RBFOX1: variants seen among roughly 807,000 people sequenced by gnomAD.
RBFOX1 encodes RNA binding fox-1 homolog 1, also known as RNA binding protein fox-1 homolog 1.
RBFOX1 carries 8 observed loss-of-function variants against 57.7 expected under a neutral mutation model. The ratio of observed to expected loss-of-function variants is 0.14; its 90% CI spans 0.08 to 0.25. The LOEUF (loss-of-function observed/expected upper bound fraction) is 0.25, where lower values mean the gene tolerates loss of function less well. Among genes scored for constraint, RBFOX1 ranks in the 10% least tolerant of loss-of-function variants. The pLI is 1.00. For missense variants in RBFOX1, 611 were observed against 548.5 expected (o/e 1.11, Z -1.14); for synonymous variants, 326 against 222.4 (o/e 1.47, Z -4.15).
chr16:7,617,424 G>A (rs940801932), intron 10 of RBFOX1, among the ~76,000 whole-genome samples: 10 of 152,062 alleles, frequency 6.6e-5, no homozygotes, highest in South Asian at 2.1e-4. Context: ...TTTATGGCCC[G>A]TACAAAAACA....
At chr16:6,313,192 A>G (rs1463158655) in intron 1 of RBFOX1, among the ~76,000 whole-genome samples, 1 of 152,140 alleles carries the variant, frequency 6.6e-6, no homozygotes, top group Non-Finnish European at 1.5e-5. Context: ...GGGAAGTGTG[A>G]TCTCCTTACT....
At chr16:6,067,992 A>G (rs1214700837) in intron 1 of RBFOX1, among the ~76,000 whole-genome samples, 1 of 152,218 alleles carries the variant, frequency 6.6e-6, no homozygotes, top group African/African-American at 2.4e-5. Context: ...TTTACAGGGA[A>G]AACACAGTCT....
At position 7,159,589 on chromosome 16, in the gene RBFOX1, C is replaced by G. The variant is rs530198186; in HGVS notation, c.27+107491C>G. On this transcript the variant is annotated intron_variant, in intron 4 of 15. Coordinates refer to ENST00000550418, the MANE Select transcript of RBFOX1 (RefSeq NM_018723.4). ...AGTCCCCAGCCACTTTTTCAGTGAT[C>G]TCTCTACTCCGCTATAGCTTCAGTC... Among the ~76,000 whole-genome samples, 8 of 152,278 alleles carry G rather than the reference C, an allele frequency of 5.3e-5. No homozygotes were observed. The East Asian group carries it at 1.4e-3, about 26-fold the overall frequency.
At chr16:7,505,043 G>C (rs2151926339) in intron 4 of RBFOX1, among the ~76,000 whole-genome samples, 1 of 151,210 alleles carries the variant, frequency 6.6e-6, no homozygotes, top group African/African-American at 2.4e-5. Flanking sequence ...ACGGTGGATG[G>C]TTTTGACCTT....
intron 14 of RBFOX1, among the ~76,000 whole-genome samples, chr16:7,681,875 T>C (rs963170755): frequency 6.6e-5 from 10 of 152,160 alleles, no homozygotes; most frequent in African/African-American, 2.2e-4. Flanking sequence ...AAAATATTTC[T>C]AGCTAAACAG....
chr16:7,033,121 C>T (rs75625762), intron 3 of RBFOX1, among the ~76,000 whole-genome samples: 2,517 of 152,168 alleles, frequency 0.017, 67 homozygotes, highest in African/African-American at 0.054. Context: ...TGAGACAGGG[C>T]AGGGAAGAAG....
At chr16:6,495,754 G>A (rs996564693) in intron 2 of RBFOX1, among the ~76,000 whole-genome samples, 1 of 152,138 alleles carries the variant, frequency 6.6e-6, no homozygotes, top group African/African-American at 2.4e-5. Flanking sequence ...ATAGCAGTAT[G>A]TTCTGCTTTT....
chr16:6,859,111 GTATATATATATA>G (rs796794349), intron 3 of RBFOX1, among the ~76,000 whole-genome samples: 1 of 65,126 alleles, frequency 1.5e-5, no homozygotes, highest in Admixed American at 2.0e-4. Flanking sequence ...TAAAAAAAGT[GTATATATATATA>G]TATATACATA....
chr16:7,387,173 T>C (rs2097898379), intron 4 of RBFOX1, among the ~76,000 whole-genome samples: 1 of 152,202 alleles, frequency 6.6e-6, no homozygotes, highest in Admixed American at 6.5e-5. Context: ...ATTCTGTAGG[T>C]TGCTGAAACA....
rs149727382 is a variant in RBFOX1, at chr16:6,218,641, G to T, written c.-126-98354G>T. 5.5e-3 allele frequency among the ~76,000 whole-genome samples: 834 copies of T among 152,214 alleles called. 5 individuals carry two copies. The highest frequency in any genetic ancestry group is 0.019 in the South Asian group (90 of 4,830). On this transcript the variant is annotated intron_variant, in intron 1 of 15. Coordinates refer to ENST00000550418, the MANE Select transcript of RBFOX1 (RefSeq NM_018723.4). ...AGTCTTTCTCTTGTTTTTAATAAGAGGAAAGCCCAGCTTTTGCTTCACCTA... is the reference window on the plus strand; with the variant it reads ...AGTCTTTCTCTTGTTTTTAATAAGATGAAAGCCCAGCTTTTGCTTCACCTA...
chr16:7,457,044 C>A (rs749734734), intron 4 of RBFOX1, among the ~76,000 whole-genome samples: 1 of 152,088 alleles, frequency 6.6e-6, no homozygotes, highest in Admixed American at 6.6e-5. Context: ...CGCACCACCA[C>A]GCCCGGCTAA....
chr16:7,082,872 A>G (rs1175505649), intron 4 of RBFOX1, among the ~76,000 whole-genome samples: 2 of 152,210 alleles, frequency 1.3e-5, no homozygotes, highest in Non-Finnish European at 2.9e-5. Context: ...ATAACTGATA[A>G]CTGGATTAAT....
intron 5 of RBFOX1, among the ~76,000 whole-genome samples, chr16:7,540,254 C>T (rs753117279): frequency 3.3e-5 from 5 of 152,146 alleles, no homozygotes; most frequent in Admixed American, 6.5e-5. Flanking sequence ...CTGTTTCCCT[C>T]GCTGGAAACT....
intron 3 of RBFOX1, among the ~76,000 whole-genome samples, chr16:5,856,185 C>CTG (rs1222713846): frequency 2.5e-5 from 1 of 39,888 alleles, no homozygotes; most frequent in Non-Finnish European, 4.3e-5. Context: ...CTCTCTCTCT[C>CTG]TCTATATATA....
chr16:5,282,006 C>G (rs1363137147), intron 1 of RBFOX1, among the ~76,000 whole-genome samples: 1 of 152,124 alleles, frequency 6.6e-6, no homozygotes, highest in African/African-American at 2.4e-5. Flanking sequence ...TTGGCTGTGT[C>G]CCCACTCAGA....
At chr16:6,461,876 T>C (rs545875287) in intron 2 of RBFOX1, among the ~76,000 whole-genome samples, 5 of 152,332 alleles carry the variant, frequency 3.3e-5, no homozygotes, top group African/African-American at 1.2e-4. Context: ...ATTTTCATTG[T>C]TCAGTACATT....
chr16:5,843,785 C>A (rs891571825), intron 3 of RBFOX1, among the ~76,000 whole-genome samples: 2 of 152,162 alleles, frequency 1.3e-5, no homozygotes, highest in African/African-American at 4.8e-5. Context: ...TAGATGCATC[C>A]TTCTCTAAAG....
At chr16:7,329,113 T>G (rs567304002) in intron 4 of RBFOX1, among the ~76,000 whole-genome samples, 2 of 152,336 alleles carry the variant, frequency 1.3e-5, no homozygotes, top group Non-Finnish European at 2.9e-5. Flanking sequence ...TTTTGAGCAG[T>G]TGCAGCAGAG....
chr16:5,877,852 G>A (rs1347117208), intron 4 of RBFOX1, among the ~76,000 whole-genome samples: 1 of 152,220 alleles, frequency 6.6e-6, no homozygotes, highest in Non-Finnish European at 1.5e-5. Flanking sequence ...AGTCCTGGGT[G>A]TTCCCATGGT....
Sources: allele counts gnomAD v4.1 joint callset (sites outside exome capture counted in the v4.1 genomes callset), GRCh38; gene constraint gnomAD v4.1.1; transcripts MANE v1.5; gene names NCBI Gene and HGNC (gene_info 2026-07-23, HGNC 2026-07-21).